PARD3B: variants seen among roughly 807,000 people sequenced by gnomAD.
PARD3B encodes the protein partitioning defective 3 homolog B.
Under a neutral mutation model 130.2 loss-of-function variants are expected in PARD3B, and 103 were observed. The observed-to-expected ratio is 0.79, with a 90% confidence interval of 0.67 to 0.93. PARD3B has a LOEUF of 0.93. PARD3B is among the 40% of genes least tolerant of loss of function. PARD3B has a pLI of 0.00. For synonymous variants in PARD3B, 583 were observed against 553.2 expected (o/e 1.05, Z -0.76); for missense variants, 1,609 against 1,499.2 (o/e 1.07, Z -1.21).
rs1207328193 is a variant in PARD3B at position 204,943,734 on chromosome 2, C to T, written c.223-21418C>T. 6.6e-6 allele frequency among the ~76,000 whole-genome samples: 1 copy of T among 152,106 alleles called. No individual in the cohort carries two copies. The highest frequency in any genetic ancestry group is 6.5e-5 in the Admixed American group (1 of 15,272). On this transcript the variant is annotated intron_variant, in intron 2 of 22. Coordinates refer to ENST00000406610, the MANE Select transcript of PARD3B (RefSeq NM_001302769.2). This position sits in a 1 kb window ranked among gnomAD's most constrained non-coding sequence, Gnocchi z 4.2. The stretch of plus-strand genomic sequence containing the variant: ...TTTGGCAAGCAGAGGACAAATCCAT[C>T]CTCTCTTCCTTGAGGGAAAGTTCGC...
At chr2:204,561,035 G>A (rs377752038) in intron 1 of PARD3B, among the ~76,000 whole-genome samples, 1 of 147,242 alleles carries the variant, frequency 6.8e-6, no homozygotes. Context: ...CACCCAGGCT[G>A]GGGTTCCGAG....
chr2:205,592,832 C>T lies in PARD3B; in HGVS notation c.3261-22624C>T, dbSNP rs1219195548. 3.9e-5 allele frequency among the ~76,000 whole-genome samples: 6 copies of T among 152,180 alleles called. No homozygotes were observed. The highest frequency in any genetic ancestry group is 7.3e-5 in the Non-Finnish European group (5 of 68,030). On this transcript the variant is annotated intron_variant, in intron 22 of 22. Transcript: ENST00000406610. The surrounding 1 kb of genome is among the most constrained non-coding windows in gnomAD (Gnocchi z 4.5). ...TGGCCTCTGAGCTACTTGCCCAAACCGAACTCTGTCTTCAAGGTTCCCTTA... is the reference window on the plus strand; with the variant it reads ...TGGCCTCTGAGCTACTTGCCCAAACTGAACTCTGTCTTCAAGGTTCCCTTA...
At chr2:205,554,742 C>A (rs1575345762) in intron 22 of PARD3B, among the ~76,000 whole-genome samples, 2 of 152,128 alleles carry the variant, frequency 1.3e-5, no homozygotes, top group African/African-American at 4.8e-5. Context: ...TTTTCCATGT[C>A]ATTATTCCCT....
intron 10 of PARD3B, among the ~76,000 whole-genome samples, chr2:205,126,606 C>T (rs561068344): frequency 3.3e-4 from 49 of 150,716 alleles, no homozygotes; most frequent in Non-Finnish European, 3.8e-4. Context: ...ATTAGCCGGG[C>T]GCGGTGGCGG....
chr2:205,439,189 G>GT (rs1002905423), intron 19 of PARD3B, among the ~76,000 whole-genome samples: 2 of 152,014 alleles, frequency 1.3e-5, no homozygotes, highest in African/African-American at 4.8e-5. Flanking sequence ...GGTTTCAGTT[G>GT]TTTTTTTAAC....
intron 13 of PARD3B, among the ~76,000 whole-genome samples, chr2:205,180,867 G>A (rs1203101973): frequency 6.6e-6 from 1 of 152,144 alleles, no homozygotes; most frequent in African/African-American, 2.4e-5. Context: ...AGGGATGGAG[G>A]CTGTGTCCCA....
intron 19 of PARD3B, among the ~76,000 whole-genome samples, chr2:205,411,263 A>G (rs1230120262): frequency 3.3e-5 from 5 of 152,202 alleles, no homozygotes; most frequent in Non-Finnish European, 5.9e-5. Context: ...ATAGAAATAT[A>G]CTACAGATAT....
Position 205,185,835 on chromosome 2 carries a change from G to C in PARD3B, c.1996G>C (p.Gly666Arg), listed in dbSNP as rs377143619. ...TTCTCCAACACCACATTCTGCTCTGGGATTGGGCCTCGAAGATTACAGCCA... is the reference window on the plus strand; with the variant it reads ...TTCTCCAACACCACATTCTGCTCTGCGATTGGGCCTCGAAGATTACAGCCA... ...PPSPTPHSAL[G>R]LGLEDYSHSS... The change falls in exon 14 of 23, where the codon GGA (glycine) becomes CGA (arginine). Residue 666 changes from glycine to arginine, a missense_variant. By Grantham distance (125) the Gly-to-Arg change is moderately radical. Coordinates refer to ENST00000406610, the MANE Select transcript of PARD3B (RefSeq NM_001302769.2). 4 of 1,613,810 alleles carry C rather than the reference G, an allele frequency of 2.5e-6. No homozygotes were observed. The African/African-American group carries it at 4.0e-5, about 16-fold the overall frequency.
intron 3 of PARD3B, among the ~76,000 whole-genome samples, chr2:204,977,892 A>C (rs1692329799): frequency 1.3e-5 from 2 of 151,958 alleles, no homozygotes; most frequent in African/African-American, 4.8e-5. Context: ...AAATTCTTAC[A>C]TATCTGATGA....
chr2:205,599,360 T>A (rs2054693972), intron 22 of PARD3B, among the ~76,000 whole-genome samples: 1 of 152,194 alleles, frequency 6.6e-6, no homozygotes, highest in African/African-American at 2.4e-5. Flanking sequence ...AAGTCTAATG[T>A]TCACACAGTT....
At chr2:205,487,930 C>T (rs2049509261) in intron 20 of PARD3B, among the ~76,000 whole-genome samples, 1 of 152,128 alleles carries the variant, frequency 6.6e-6, no homozygotes. Context: ...GTTCAAGTAC[C>T]ATCTAAACAA....
intron 2 of PARD3B, among the ~76,000 whole-genome samples, chr2:204,810,976 G>T (rs551726054): frequency 5.9e-5 from 9 of 152,038 alleles, no homozygotes; most frequent in African/African-American, 1.9e-4. Context: ...TTTATTACTG[G>T]TTCATTTCAG....
At chr2:204,796,473 A>G (rs2042380348) in intron 2 of PARD3B, among the ~76,000 whole-genome samples, 1 of 152,216 alleles carries the variant, frequency 6.6e-6, no homozygotes, top group African/African-American at 2.4e-5. Flanking sequence ...GAGGCAAAGA[A>G]GTTGTTTCAA....
chr2:204,640,422 AG>A (rs112893459), intron 1 of PARD3B, among the ~76,000 whole-genome samples: 18,510 of 152,116 alleles, frequency 0.12, 2,681 homozygotes, highest in African/African-American at 0.35. Flanking sequence ...GGGGGAGAGC[AG>A]TCAGAGTAGT....
intron 10 of PARD3B, among the ~76,000 whole-genome samples, chr2:205,155,766 G>A (rs1457451235): frequency 6.6e-6 from 1 of 152,126 alleles, no homozygotes; most frequent in East Asian, 1.9e-4. Flanking sequence ...GTATCTCATT[G>A]TGGTTTTGAT....
At chr2:204,596,979 A>G (rs575581451) in intron 1 of PARD3B, among the ~76,000 whole-genome samples, 124 of 151,746 alleles carry the variant, frequency 8.2e-4, no homozygotes, top group African/African-American at 2.9e-3. Flanking sequence ...TATATTATAT[A>G]TAATTTTTCA....
chr2:205,464,275 A>G (rs940484792), intron 20 of PARD3B, among the ~76,000 whole-genome samples: 1 of 152,210 alleles, frequency 6.6e-6, no homozygotes, highest in African/African-American at 2.4e-5. Flanking sequence ...AGCTTACCTG[A>G]ATAAATATTG....
chr2:205,495,090 C>T (rs1407885444), intron 20 of PARD3B, among the ~76,000 whole-genome samples: 1 of 152,026 alleles, frequency 6.6e-6, no homozygotes, highest in African/African-American at 2.4e-5. Context: ...TTCCAAATGC[C>T]TTAGTGTGAT....
intron 2 of PARD3B, among the ~76,000 whole-genome samples, chr2:204,757,730 T>A (rs1048595279): frequency 6.6e-6 from 1 of 152,168 alleles, no homozygotes; most frequent in African/African-American, 2.4e-5. Flanking sequence ...TTCAGATGAC[T>A]TTTTTTAAAC....
Sources: allele counts gnomAD v4.1 joint callset (sites outside exome capture counted in the v4.1 genomes callset), GRCh38; gene constraint gnomAD v4.1.1; non-coding constraint Gnocchi (gnomAD v3.1); transcripts MANE v1.5; gene names NCBI Gene and HGNC (gene_info 2026-07-23, HGNC 2026-07-21).